Variants in ACACA observed in about 807,000 individuals in gnomAD.
The protein encoded by ACACA is acetyl-CoA carboxylase alpha.
In ACACA, 103 loss-of-function variants were observed where a neutral mutation model predicts 296.1. The ratio of observed to expected loss-of-function variants is 0.35; its 90% CI spans 0.30 to 0.41. The LOEUF (loss-of-function observed/expected upper bound fraction) is 0.41, where lower values mean the gene tolerates loss of function less well. Ranked by LOEUF, ACACA falls within the 10% of genes least tolerant of loss-of-function variation. The pLI, the probability that ACACA is intolerant of heterozygous loss-of-function variation, is 1.00. For missense variants in ACACA, 1,554 were observed against 2,989.7 expected (o/e 0.52, Z 11.20); for synonymous variants, 953 against 1,038.6 (o/e 0.92, Z 1.58).
At chr17:37,108,129 A>G (rs566420809) in intron 52 of ACACA, among the ~76,000 whole-genome samples, 1 of 152,122 alleles carries the variant, frequency 6.6e-6, no homozygotes, top group South Asian at 2.1e-4. Flanking sequence ...GCAATGCAAG[A>G]CTCTGGGGCC....
chr17:37,276,081 G>C (rs771568439), intron 7 of ACACA, 32 bp from the exon 8 acceptor site: 1 of 1,536,130 alleles, frequency 6.5e-7, no homozygotes, highest in South Asian at 1.1e-5. Flanking sequence ...AATCCTGACT[G>C]TAACACCTTG....
chr17:37,275,954 T>C lies in ACACA; in HGVS notation c.898A>G (p.Ser300Gly). ...CAAACAAGAATTCAGTTCTTACCAC[T>C]GCCGCTCCAGGGAAGAGTTGGGATA... ...AGIPTLPWSGSGLRVDWQEND... is the reference protein window; with the variant it reads ...AGIPTLPWSGGGLRVDWQEND... The change falls in exon 8 of 56, where the codon AGT becomes GGT. Residue 300 changes from serine (S) to glycine (G), a missense_variant. Coordinates refer to ENST00000616317, the MANE Select transcript of ACACA (RefSeq NM_198834.3). 6.2e-7 allele frequency: 1 copy of C among 1,613,590 alleles called. No homozygotes were observed. The highest frequency in any genetic ancestry group is 8.5e-7 in the Non-Finnish European group (1 of 1,179,432).
chr17:37,249,932 C>T (rs1214982557), intron 16 of ACACA, among the ~76,000 whole-genome samples: 1 of 152,188 alleles, frequency 6.6e-6, no homozygotes. Context: ...GTGAATAAGT[C>T]TCACGAGAGC....
chr17:37,322,270 T>A (rs1282709999), intron 3 of ACACA, among the ~76,000 whole-genome samples: 1 of 152,204 alleles, frequency 6.6e-6, no homozygotes, highest in African/African-American at 2.4e-5. Context: ...GTGATAGACA[T>A]CTTACGCTGG....
intron 30 of ACACA, among the ~76,000 whole-genome samples, chr17:37,209,175 A>G (rs899281246): frequency 6.6e-6 from 1 of 152,180 alleles, no homozygotes; most frequent in Non-Finnish European, 1.5e-5. Flanking sequence ...TGAAACAAAC[A>G]AATGAAACAC....
intron 22 of ACACA, among the ~76,000 whole-genome samples, chr17:37,243,136 A>G (rs960722207): frequency 3.0e-4 from 45 of 152,224 alleles, no homozygotes; most frequent in African/African-American, 1.0e-3. Context: ...GAACAAAGCT[A>G]TAAGGTATAC....
At chr17:37,187,243 G>C (rs969239466) in intron 39 of ACACA, among the ~76,000 whole-genome samples, 2 of 152,162 alleles carry the variant, frequency 1.3e-5, no homozygotes, top group Non-Finnish European at 2.9e-5. Context: ...AGGTCATTCT[G>C]ACTACTGTCC....
chr17:37,380,353 C>A (rs897457344), intron 1 of ACACA, among the ~76,000 whole-genome samples: 13 of 150,910 alleles, frequency 8.6e-5, no homozygotes, highest in African/African-American at 3.2e-4. Flanking sequence ...TGCAGCGCAC[C>A]AGCATGGCAC....
chr17:37,248,492 A>T (rs1050894623), intron 17 of ACACA, 101 bp downstream of exon 17: 9 of 887,342 alleles, frequency 1.0e-5, no homozygotes, highest in African/African-American at 1.6e-5. Context: ...TTTCACTAAT[A>T]CCCCCATCCC....
intron 35 of ACACA, among the ~76,000 whole-genome samples, chr17:37,197,088 A>G (rs1478987149): frequency 6.6e-6 from 1 of 152,192 alleles, no homozygotes; most frequent in Admixed American, 6.5e-5. Flanking sequence ...AATAATCTCC[A>G]TGCAGTGTCA....
Position 37,247,674 on chromosome 17 carries a change from T to G in ACACA, c.2309+337A>C, listed in dbSNP as rs369773333. ...GAGCCACCGCGCCCAGCCACATTTG[T>G]GAATGTATTTAAAGAAAAACAGTAT... On this transcript the variant is annotated intron_variant, in intron 18 of 55. Transcript: ENST00000616317. Among the ~76,000 whole-genome samples, 5 of 152,202 alleles carry G rather than the reference T, an allele frequency of 3.3e-5. No individual in the cohort carries two copies. In the East Asian group the frequency reaches 9.6e-4, roughly 29 times the overall value.
chr17:37,126,617 C>G (rs1440990869), intron 47 of ACACA, among the ~76,000 whole-genome samples: 1 of 152,166 alleles, frequency 6.6e-6, no homozygotes, highest in Non-Finnish European at 1.5e-5. Context: ...AGTGATTCTT[C>G]TAATTTGAAC....
intron 54 of ACACA, among the ~76,000 whole-genome samples, chr17:37,094,572 A>ACCC (rs67691656): frequency 5.1e-4 from 59 of 114,566 alleles, no homozygotes; most frequent in East Asian, 1.0e-3. Context: ...TTGAAGAACC[A>ACCC]CCCCCCCCCC....
At chr17:37,267,778 TAA>T (rs2081858919) in intron 10 of ACACA, among the ~76,000 whole-genome samples, 1 of 151,500 alleles carries the variant, frequency 6.6e-6, no homozygotes, top group Non-Finnish European at 1.5e-5. Flanking sequence ...TTTTTTTTTT[TAA>T]GACAATGTCT....
At position 37,263,911 on chromosome 17, in the gene ACACA, G is replaced by GA; in HGVS notation, c.1120-18_1120-17insT. Reference sequence around the variant, plus strand: ...AGCTTGAACCTGTATTAGAAAAGGGGGAAAAAAAAAACCAATTCTTAAATT... The same window carrying GA: ...AGCTTGAACCTGTATTAGAAAAGGGGAGAAAAAAAAAACCAATTCTTAAATT... On this transcript the variant is annotated splice_polypyrimidine_tract_variant and intron_variant, in intron 10 of 55. Coordinates refer to ENST00000616317, the MANE Select transcript of ACACA (RefSeq NM_198834.3). 6.3e-7 allele frequency: 1 copy of GA among 1,598,838 alleles called. No individual in the cohort carries two copies. Among genetic ancestry groups the GA allele is most frequent in the Non-Finnish European group, 8.5e-7 (1 of 1,172,100 alleles).
intron 1 of ACACA, among the ~76,000 whole-genome samples, chr17:37,399,897 G>A (rs1416939480): frequency 6.6e-6 from 1 of 151,864 alleles, no homozygotes; most frequent in Non-Finnish European, 1.5e-5. Context: ...ATTTACTTAT[G>A]GCATATTTAA....
chr17:37,290,729 A>G (rs2083008679), intron 3 of ACACA, among the ~76,000 whole-genome samples: 1 of 149,952 alleles, frequency 6.7e-6, no homozygotes, highest in African/African-American at 2.5e-5. Context: ...AGGGGTATCC[A>G]ATCTTTTTGC....
chr17:37,109,022 T>C (rs1307206438), intron 52 of ACACA, among the ~76,000 whole-genome samples: 2 of 152,238 alleles, frequency 1.3e-5, no homozygotes, highest in Non-Finnish European at 2.9e-5. Flanking sequence ...TTCACTTTTT[T>C]GGCCTCAATT....
intron 50 of ACACA, among the ~76,000 whole-genome samples, chr17:37,114,841 TA>T (rs2074165000): frequency 6.6e-6 from 1 of 152,226 alleles, no homozygotes; most frequent in African/African-American, 2.4e-5. Flanking sequence ...CAATTTGGAA[TA>T]AATCAATTCT....
Sources: allele counts gnomAD v4.1 joint callset (sites outside exome capture counted in the v4.1 genomes callset), GRCh38; gene constraint gnomAD v4.1.1; transcripts MANE v1.5; gene names NCBI Gene and HGNC (gene_info 2026-07-23, HGNC 2026-07-21).